The following PTPRS variants were observed in gnomAD, a reference collection of about 807,000 sequenced individuals.
PTPRS encodes protein tyrosine phosphatase receptor type S, also known as receptor-type tyrosine-protein phosphatase S.
PTPRS carries 63 observed loss-of-function variants against 215.3 expected under a neutral mutation model. The observed-to-expected ratio is 0.29, with a 90% CI of 0.24 to 0.36. The LOEUF (loss-of-function observed/expected upper bound fraction) is 0.36. Among genes scored for constraint, PTPRS ranks in the 10% least tolerant of loss-of-function variants. The probability of loss-of-function intolerance (pLI) is 1.00; values close to 1 mark genes in which losing one functional copy is unlikely to be tolerated. For synonymous variants in PTPRS, 1,404 were observed against 1,191.4 expected (o/e 1.18, Z -3.68); for missense variants, 2,258 against 2,825.8 (o/e 0.80, Z 4.56).
intron 37 of PTPRS, 77 bp downstream of exon 37, chr19:5,207,845 C>G: frequency 6.4e-7 from 1 of 1,572,626 alleles, no homozygotes; most frequent in Non-Finnish European, 8.6e-7. Flanking sequence ...GTACCCATCT[C>G]ACAGAGGAGG....
Position 5,257,844 on chromosome 19 carries a change from A to C in PTPRS, c.706+173T>G, listed in dbSNP as rs1265430411. Among the ~76,000 whole-genome samples the C allele has an allele frequency of 2.0e-5, 3 of 152,168 alleles. No individual in the cohort carries two copies. Among genetic ancestry groups the C allele is most frequent in the Admixed American group, 6.5e-5 (1 of 15,286 alleles). ...GCTGCCCCCATTCTACAGGCAAGGA[A>C]ACTAAGGCCCAGAGAGGGACGCCGC... On this transcript the variant is annotated intron_variant, in intron 8 of 37. Transcript: ENST00000262963. This position sits in a 1 kb window ranked among gnomAD's most constrained non-coding sequence, Gnocchi z 4.4.
intron 2 of PTPRS, among the ~76,000 whole-genome samples, chr19:5,276,900 A>T (rs1409720103): frequency 6.6e-6 from 1 of 152,148 alleles, no homozygotes; most frequent in Non-Finnish European, 1.5e-5. Flanking sequence ...GACAGGCTAC[A>T]GTATCTGTGG....
chr19:5,275,377 CTTTT>C (rs869175506), intron 2 of PTPRS, among the ~76,000 whole-genome samples: 1 of 144,440 alleles, frequency 6.9e-6, no homozygotes, highest in Non-Finnish European at 1.5e-5. Context: ...GCCTTCTTTT[CTTTT>C]TCTTTTCTTT....
chr19:5,229,693 C>A lies in PTPRS; in HGVS notation c.2156-9G>T, dbSNP rs1599535534. 3 of 265,074 alleles carry A rather than the reference C, an allele frequency of 1.1e-5. No homozygotes were observed. Among genetic ancestry groups the A allele is most frequent in the East Asian group, 2.6e-4 (2 of 7,804 alleles). The allele number at this position is 265,074 out of a possible 1,614,324, so 16.4% of individuals were successfully genotyped here. On this transcript the variant is annotated splice_polypyrimidine_tract_variant and intron_variant, in intron 14 of 37. Transcript: ENST00000262963. ...CGGCGGCGCGCTGGGCACTGGCGGG[C>A]GGGAGGGGAGGGGAGGGGCGGGCGG...
intron 13 of PTPRS, among the ~76,000 whole-genome samples, chr19:5,236,098 G>A (rs1046266486): frequency 2.0e-5 from 3 of 152,120 alleles, no homozygotes; most frequent in African/African-American, 4.8e-5. Flanking sequence ...CCGCCACCCC[G>A]CGTCAACGGT....
At chr19:5,277,448 G>A (rs1314046035) in intron 2 of PTPRS, among the ~76,000 whole-genome samples, 1 of 152,002 alleles carries the variant, frequency 6.6e-6, no homozygotes, top group Non-Finnish European at 1.5e-5. Context: ...GAGGTCAGGA[G>A]ATCGAGACCA....
intron 19 of PTPRS, 65 bp downstream of exon 19, chr19:5,222,058 A>C: frequency 3.1e-5 from 41 of 1,343,284 alleles, no homozygotes; most frequent in Non-Finnish European, 4.2e-5. Context: ...ACTGAGCCTT[A>C]AGCCCTGCTG....
At chr19:5,336,275 G>A (rs771233074) in intron 1 of PTPRS, among the ~76,000 whole-genome samples, 2 of 115,716 alleles carry the variant, frequency 1.7e-5, no homozygotes, top group African/African-American at 3.2e-5. Context: ...GGGGGGGGGC[G>A]GGGGGGAAAC....
At chr19:5,216,692 G>A in intron 26 of PTPRS, 28 bp downstream of exon 26, 1 of 1,521,682 alleles carries the variant, frequency 6.6e-7, no homozygotes, top group Non-Finnish European at 9.0e-7. Flanking sequence ...GGGGCGAAAG[G>A]AAGCCAAAAA....
intron 31 of PTPRS, 42 bp from the exon 32 acceptor site, chr19:5,212,292 C>CG: frequency 6.2e-7 from 1 of 1,608,606 alleles, no homozygotes; most frequent in Non-Finnish European, 8.5e-7. Context: ...TGCTGGGCTG[C>CG]GGGGACCGGG....
chr19:5,291,093 G>A (rs886318917), intron 1 of PTPRS, among the ~76,000 whole-genome samples: 1 of 151,996 alleles, frequency 6.6e-6, no homozygotes. Flanking sequence ...TGAAGTCCGG[G>A]GACCTGGCTT....
intron 1 of PTPRS, among the ~76,000 whole-genome samples, chr19:5,304,430 T>C (rs1387854167): frequency 6.6e-6 from 1 of 151,804 alleles, no homozygotes; most frequent in Non-Finnish European, 1.5e-5. Context: ...CGAGCTGAGA[T>C]CACACCATTG....
rs963442557 is a variant in PTPRS, at chr19:5,295,992, G to A, written c.-94-9758C>T. Among the ~76,000 whole-genome samples the A allele has an allele frequency of 3.3e-5, 5 of 152,094 alleles. No homozygotes were observed. Among genetic ancestry groups the A allele is most frequent in the African/African-American group, 4.8e-5 (2 of 41,410 alleles). ...ACTGGTCTCGAACTCCTAGACTCAAGTGAACCTCCTGCCTCAGCCTCCCAA... is the reference window on the plus strand; with the variant it reads ...ACTGGTCTCGAACTCCTAGACTCAAATGAACCTCCTGCCTCAGCCTCCCAA... On this transcript the variant is annotated intron_variant, in intron 1 of 37. Coordinates refer to ENST00000262963, the MANE Select transcript of PTPRS (RefSeq NM_002850.4). The surrounding 1 kb of genome is among the most constrained non-coding windows in gnomAD (Gnocchi z 4.6).
chr19:5,308,165 T>C (rs1367974134), intron 1 of PTPRS, among the ~76,000 whole-genome samples: 1 of 152,196 alleles, frequency 6.6e-6, no homozygotes, highest in Non-Finnish European at 1.5e-5. Context: ...AAAGACGTGG[T>C]GTCACAGAGA....
chr19:5,289,682 G>T (rs568154217), intron 1 of PTPRS, among the ~76,000 whole-genome samples: 5 of 152,204 alleles, frequency 3.3e-5, no homozygotes, highest in African/African-American at 1.2e-4. Flanking sequence ...GGGCCTTTGC[G>T]TGGGCCATTC....
intron 2 of PTPRS, among the ~76,000 whole-genome samples, chr19:5,279,359 ATTT>A (rs781615888): frequency 6.0e-5 from 8 of 133,774 alleles, no homozygotes; most frequent in East Asian, 1.9e-4. Context: ...TTTTTATTTT[ATTT>A]TTTCTTCTTC....
At chr19:5,265,252 C>A in intron 4 of PTPRS, 56 bp from the exon 5 acceptor site, 1 of 1,519,654 alleles carries the variant, frequency 6.6e-7, no homozygotes, top group South Asian at 1.2e-5. Context: ...CACAGCCACT[C>A]CTGAGCCTGG....
At chr19:5,308,947 G>A (rs1329394818) in intron 1 of PTPRS, among the ~76,000 whole-genome samples, 1 of 152,176 alleles carries the variant, frequency 6.6e-6, no homozygotes, top group South Asian at 2.1e-4. Context: ...GCACGGGTGG[G>A]GTACGGGGCA....
intron 30 of PTPRS, 127 bp downstream of exon 30, chr19:5,214,234 G>T: frequency 7.4e-7 from 1 of 1,346,340 alleles, no homozygotes; most frequent in Non-Finnish European, 1.0e-6. Context: ...AATGTAGTCA[G>T]CCTGGGTAGA....
Sources: gnomAD v4.1 joint callset for allele counts (sites outside exome capture counted in the v4.1 genomes callset) on GRCh38, gnomAD v4.1.1 for gene constraint, Gnocchi (gnomAD v3.1) non-coding constraint, MANE v1.5 for transcripts, NCBI Gene and HGNC (gene_info 2026-07-23, HGNC 2026-07-21) for gene names.